CCDC80: variants seen among roughly 807,000 people sequenced by gnomAD.
The protein encoded by CCDC80 is coiled-coil domain-containing protein 80.
CCDC80 carries 49 observed loss-of-function variants against 78.7 expected under a neutral mutation model. That is an observed-to-expected ratio of 0.62 (90% CI 0.50 to 0.79). CCDC80 has a LOEUF of 0.79. Among genes scored for constraint, CCDC80 ranks in the 30% least tolerant of loss-of-function variants. The pLI, the probability that CCDC80 is intolerant of heterozygous loss-of-function variation, is 0.00. For missense variants in CCDC80, 1,205 were observed against 1,198.6 expected (o/e 1.01, Z -0.08); for synonymous variants, 488 against 447.0 (o/e 1.09, Z -1.16).
chr3:112,627,242 C>T (rs1476336770), intron 3 of CCDC80, among the ~76,000 whole-genome samples: 2 of 152,182 alleles, frequency 1.3e-5, no homozygotes, highest in Non-Finnish European at 2.9e-5. Context: ...ACATTCCTAT[C>T]CTAGACTGAC....
Position 112,603,737 on chromosome 3 carries a change from C to T in CCDC80, c.*1680G>A, listed in dbSNP as rs996905333. 1.3e-5 allele frequency: 2 copies of T among 151,832 alleles called. No homozygotes were observed. Among genetic ancestry groups the T allele is most frequent in the Non-Finnish European group, 2.9e-5 (2 of 67,994 alleles). 9.4% of individuals were successfully genotyped at this position (151,832 alleles called of 1,614,324 possible). A position where few individuals can be genotyped will look rare whatever the true frequency, so the allele number is the denominator to read the frequency against. ...TTGTGCAGCACAGGAATCAAGGAGT[C>T]ATTTGCACTTTTCGTAAGACTATAA... On this transcript the variant is annotated 3_prime_UTR_variant, in exon 8 of 8. Coordinates refer to ENST00000206423, the MANE Select transcript of CCDC80 (RefSeq NM_199511.3).
In CCDC80 at chr3:112,610,074, A is replaced by T; in HGVS notation, c.2329T>A (p.Trp777Arg). Residue 777 changes from tryptophan (W) to arginine (R), a missense_variant, in exon 6 of 8, where the codon TGG (tryptophan) becomes AGG (arginine). Physicochemically the swap from Trp to Arg is moderately radical, Grantham distance 101. Coordinates refer to ENST00000206423, the MANE Select transcript of CCDC80 (RefSeq NM_199511.3). Reference protein sequence around the residue: ...SLENFLSRFRWRRRLLVISAP... With the variant: ...SLENFLSRFRRRRRLLVISAP... ...GAGATCACCAGCAACCTCCTCCTCCACCGGAACCTGGAAAAAAAAAGCAGG... is the reference window on the plus strand; with the variant it reads ...GAGATCACCAGCAACCTCCTCCTCCTCCGGAACCTGGAAAAAAAAAGCAGG... 1 of 1,613,130 alleles carries T rather than the reference A, an allele frequency of 6.2e-7. No individual in the cohort carries two copies. The highest frequency in any genetic ancestry group is 1.1e-5 in the South Asian group (1 of 91,036).
Position 112,597,819 on chromosome 3 carries a change from C to T in CCDC80, c.*7598G>A, listed in dbSNP as rs1424111504. The T allele has an allele frequency of 6.6e-6, 1 of 152,186 alleles. No individual in the cohort carries two copies. Among genetic ancestry groups the T allele is most frequent in the Non-Finnish European group, 1.5e-5 (1 of 68,068 alleles). The allele number at this position is 152,186 out of a possible 1,614,324, so 9.4% of individuals were successfully genotyped here. On this transcript the variant is annotated 3_prime_UTR_variant, in exon 8 of 8. Coordinates refer to ENST00000206423, the MANE Select transcript of CCDC80 (RefSeq NM_199511.3). ...CCTGGTCCCTTCCACCTGCCAAACCCCCATAAAAACCCATAATTGATGATA... is the reference window on the plus strand; with the variant it reads ...CCTGGTCCCTTCCACCTGCCAAACCTCCATAAAAACCCATAATTGATGATA...
Position 112,638,285 on chromosome 3 carries a change from C to G in CCDC80, c.1621G>C (p.Glu541Gln). 2 of 1,613,970 alleles carry G rather than the reference C, an allele frequency of 1.2e-6. No homozygotes were observed. Among genetic ancestry groups the G allele is most frequent in the Non-Finnish European group, 1.7e-6 (2 of 1,179,988 alleles). The change falls in exon 2 of 8, where the codon GAA becomes CAA. Residue 541 changes from glutamate to glutamine, a missense_variant. Glu to Gln is a conservative substitution (Grantham distance 29). Transcript: ENST00000206423. ...TCCTTCTCTGGTTTCTCAAGCTTTT[C>G]ATGCTTTTTAGACTCCTTTGCTTTT... ...LKKAKESKKH[E>Q]KLEKPEKEKK...
intron 2 of CCDC80, 48 bp from the exon 3 acceptor site, chr3:112,630,317 C>G: frequency 6.4e-7 from 1 of 1,567,152 alleles, no homozygotes. Context: ...GTGATAGTTT[C>G]ACACTGAAGC....
rs534306920 is a variant in CCDC80 at position 112,638,667 on chromosome 3, A to T, written c.1239T>A (p.Asn413Lys). Residue 413 changes from asparagine (N) to lysine (K), a missense_variant, in exon 2 of 8, where the codon AAT becomes AAA. Asn to Lys is a moderately conservative substitution (Grantham distance 94). Coordinates refer to ENST00000206423, the MANE Select transcript of CCDC80 (RefSeq NM_199511.3). ...ITARRPSVSENLYPPSRKDQH... is the reference protein window; with the variant it reads ...ITARRPSVSEKLYPPSRKDQH... ...GATCCTTCCGGGATGGAGGGTAAAG[A>T]TTCTCTGAAACTGAGGGTCTCCTGG... The T allele has an allele frequency of 1.9e-6, 3 of 1,613,502 alleles. No individual in the cohort carries two copies. Among genetic ancestry groups the T allele is most frequent in the South Asian group, 2.2e-5 (2 of 91,028 alleles).
chr3:112,630,179 T>A lies in CCDC80; in HGVS notation c.1969A>T (p.Ile657Phe). The A allele has an allele frequency of 6.2e-7, 1 of 1,613,920 alleles. No individual in the cohort carries two copies. The highest frequency in any genetic ancestry group is 8.5e-7 in the Non-Finnish European group (1 of 1,179,858). ...GGGCCGAAGATGGTGATCACAGAGA[T>A]TTTCCTGGTAGCCATCTTGCAGAAA... is the stretch of plus-strand genomic sequence containing the variant. ...ESFCKMATRK[I>F]SVITIFGPVN... The change falls in exon 3 of 8, where the codon ATC (isoleucine) becomes TTC (phenylalanine). Residue 657 changes from isoleucine to phenylalanine, a missense_variant. Ile to Phe is a conservative substitution (Grantham distance 21). Coordinates refer to ENST00000206423, the MANE Select transcript of CCDC80 (RefSeq NM_199511.3).
chr3:112,625,683 A>C (rs1395953975), intron 3 of CCDC80, among the ~76,000 whole-genome samples: 1 of 152,156 alleles, frequency 6.6e-6, no homozygotes, highest in Non-Finnish European at 1.5e-5. Context: ...ATAAAAAGAA[A>C]AATATATAGG....
At chr3:112,609,787 A>G (rs556301910) in intron 6 of CCDC80, among the ~76,000 whole-genome samples, 191 bp downstream of exon 6, 1 of 152,288 alleles carries the variant, frequency 6.6e-6, no homozygotes, top group Non-Finnish European at 1.5e-5. Context: ...GAGGGAAAAA[A>G]AAATCCACAG....
At chr3:112,615,511 G>A (rs1935715169) in intron 5 of CCDC80, among the ~76,000 whole-genome samples, 1 of 151,994 alleles carries the variant, frequency 6.6e-6, no homozygotes, top group African/African-American at 2.4e-5. Context: ...ATCGGGGGAG[G>A]GGAGGGGAAG....
chr3:112,607,014 T>G (rs1170015367), intron 7 of CCDC80, among the ~76,000 whole-genome samples, 162 bp downstream of exon 7: 1 of 152,070 alleles, frequency 6.6e-6, no homozygotes, highest in Non-Finnish European at 1.5e-5. Flanking sequence ...CCCCTACATA[T>G]CCCGTGCACA....
At chr3:112,637,976 T>G (rs1936239514) in intron 2 of CCDC80, 52 bp downstream of exon 2, 1 of 1,544,942 alleles carries the variant, frequency 6.5e-7, no homozygotes, top group South Asian at 1.3e-5. Context: ...AGACAGACGT[T>G]AACATGCCCT....
In CCDC80 at chr3:112,639,010, C is replaced by A; in HGVS notation, c.896G>T (p.Gly299Val). ...QVVAEGNDGG[G>V]GAGRPSLGSE... ...GCCCAGGCTTGGCCTTCCTGCTCCC[C>A]CTCCACCGTCATTCCCCTCCGCCAC... The change falls in exon 2 of 8, where the codon GGG (glycine) becomes GTG (valine). Residue 299 changes from glycine to valine, a missense_variant. Coordinates refer to ENST00000206423, the MANE Select transcript of CCDC80 (RefSeq NM_199511.3). 2 of 1,611,244 alleles carry A rather than the reference C, an allele frequency of 1.2e-6. No individual in the cohort carries two copies. The highest frequency in any genetic ancestry group is 1.7e-6 in the Non-Finnish European group (2 of 1,180,006).
intron 2 of CCDC80, among the ~76,000 whole-genome samples, chr3:112,633,116 G>A (rs532125745): frequency 1.1e-4 from 17 of 152,216 alleles, no homozygotes; most frequent in African/African-American, 1.7e-4. Flanking sequence ...ACCTCATCAC[G>A]TTGTGAGATC....
chr3:112,609,642 T>C (rs551441605), intron 6 of CCDC80, among the ~76,000 whole-genome samples: 8 of 152,030 alleles, frequency 5.3e-5, no homozygotes, highest in African/African-American at 1.7e-4. Flanking sequence ...ATTCGAGTAT[T>C]ACCTAAGTGA....
chr3:112,606,626 T>A (rs1332722262), intron 7 of CCDC80, among the ~76,000 whole-genome samples: 1 of 150,648 alleles, frequency 6.6e-6, no homozygotes, highest in Non-Finnish European at 1.5e-5. Flanking sequence ...GATTTTACCA[T>A]GTTGGCCAGG....
chr3:112,612,224 G>A (rs13095000), intron 5 of CCDC80, among the ~76,000 whole-genome samples: 6,262 of 152,198 alleles, frequency 0.041, 239 homozygotes, highest in Admixed American at 0.11. Context: ...TACTTCTCCT[G>A]CTTCCTTAGG....
intron 3 of CCDC80, among the ~76,000 whole-genome samples, chr3:112,625,423 A>G (rs1214861081): frequency 6.6e-6 from 1 of 152,356 alleles, no homozygotes; most frequent in African/African-American, 2.4e-5. Flanking sequence ...AGATGCACAC[A>G]CAATTTCACA....
intron 2 of CCDC80, among the ~76,000 whole-genome samples, chr3:112,636,417 A>T (rs1466822926): frequency 6.6e-6 from 1 of 152,224 alleles, no homozygotes; most frequent in Non-Finnish European, 1.5e-5. Flanking sequence ...ATATATAACA[A>T]AACACACACA....
Sources: allele counts gnomAD v4.1 joint callset (sites outside exome capture counted in the v4.1 genomes callset), GRCh38; gene constraint gnomAD v4.1.1; transcripts MANE v1.5; gene names NCBI Gene and HGNC (gene_info 2026-07-23, HGNC 2026-07-21).